The following PKHD1L1 variants were observed in gnomAD, a reference collection of about 807,000 sequenced individuals.
The protein encoded by PKHD1L1 is PKHD1 like 1, also known as fibrocystin-L.
In PKHD1L1, 434 loss-of-function variants were observed where a neutral mutation model predicts 462.9. That is an observed-to-expected ratio of 0.94 (90% CI 0.87 to 1.02). PKHD1L1 has a LOEUF of 1.02. Ranked by LOEUF, PKHD1L1 falls within the 50% of genes least tolerant of loss-of-function variation. The pLI, the probability that PKHD1L1 is intolerant of heterozygous loss-of-function variation, is 0.00. For missense variants in PKHD1L1, 5,202 were observed against 5,096.1 expected, an observed-to-expected ratio of 1.02 and a Z score of -0.63; for synonymous variants, 1,781 against 1,750.0, an observed-to-expected ratio of 1.02 and a Z score of -0.44.
chr8:109,487,243 A>G (rs969923816), intron 59 of PKHD1L1, among the ~76,000 whole-genome samples: 1 of 151,928 alleles, frequency 6.6e-6, no homozygotes, highest in African/African-American at 2.4e-5. Flanking sequence ...TGTTTCACCT[A>G]CACCTCCATC....
rs767434555 is a variant in PKHD1L1, at chr8:109,404,630, G to A, written c.1450G>A (p.Val484Ile). Residue 484 changes from valine (V) to isoleucine (I), a missense_variant, in exon 15 of 78, where the codon GTT (valine) becomes ATT (isoleucine). Around this residue, in one of 3 missense-constraint regions of PKHD1L1, gnomAD observed 4,497 missense variants for 4,336.8 expected, o/e 1.04. Coordinates refer to ENST00000378402, the MANE Select transcript of PKHD1L1 (RefSeq NM_177531.6). ...VDVGLYQYRN[V>I]YTEQQTGDAV... ...TGTTGGACTGTACCAGTATCGAAAT[G>A]TTTATACTGAACAACAAACAGGAGA... is the stretch of plus-strand genomic sequence containing the variant. 20 of 1,608,490 alleles carry A rather than the reference G, an allele frequency of 1.2e-5. No homozygotes were observed. Among genetic ancestry groups the A allele is most frequent in the East Asian group, 2.2e-5 (1 of 44,616 alleles).
At chr8:109,395,933 A>G (rs866473766) in intron 10 of PKHD1L1, 94 bp from the exon 11 acceptor site, 2 of 783,908 alleles carry the variant, frequency 2.6e-6, no homozygotes, top group Middle Eastern at 4.7e-4. Context: ...TGTGTTAGGC[A>G]CTATGGCTAG....
intron 53 of PKHD1L1, among the ~76,000 whole-genome samples, chr8:109,478,922 C>A (rs1467400969): frequency 6.6e-6 from 1 of 151,942 alleles, no homozygotes; most frequent in Non-Finnish European, 1.5e-5. Flanking sequence ...AGAATCTTGA[C>A]CCAGAAGTGC....
At chr8:109,468,637 C>G (rs1239431111) in intron 50 of PKHD1L1, among the ~76,000 whole-genome samples, 3 of 152,186 alleles carry the variant, frequency 2.0e-5, no homozygotes, top group Non-Finnish European at 4.4e-5. Context: ...CCCCATGACC[C>G]TACTGGTCTC....
rs1230020314 is a variant in PKHD1L1, at chr8:109,507,883, G to A, written c.11215G>A (p.Ala3739Thr). Residue 3739 changes from alanine (A) to threonine (T), a missense_variant, in exon 69 of 78, where the codon GCA (alanine) becomes ACA (threonine). By Grantham distance (58) the Ala-to-Thr change is moderately conservative (BLOSUM62 0). Coordinates refer to ENST00000378402, the MANE Select transcript of PKHD1L1 (RefSeq NM_177531.6). Reference protein sequence around the residue: ...NGSRIPVTEKAPHKGIIRDST... With the variant: ...NGSRIPVTEKTPHKGIIRDST... Reference sequence around the variant, plus strand: ...AAGTAGAATTCCTGTCACTGAGAAAGCACCTCATAAAGGTTTGTTGGATCT... The same window carrying A: ...AAGTAGAATTCCTGTCACTGAGAAAACACCTCATAAAGGTTTGTTGGATCT... 1.9e-6 allele frequency: 3 copies of A among 1,613,444 alleles called. No homozygotes were observed. The highest frequency in any genetic ancestry group is 2.5e-6 in the Non-Finnish European group (3 of 1,179,580).
chr8:109,527,842 G>T (rs1254764123), intron 77 of PKHD1L1, among the ~76,000 whole-genome samples: 1 of 152,150 alleles, frequency 6.6e-6, no homozygotes, highest in African/African-American at 2.4e-5. Context: ...AATACAGAAA[G>T]AGCTAACCTC....
intron 2 of PKHD1L1, among the ~76,000 whole-genome samples, chr8:109,371,000 T>A (rs993516661): frequency 1.3e-5 from 2 of 152,208 alleles, no homozygotes; most frequent in African/African-American, 4.8e-5. Flanking sequence ...GGAGCATGAT[T>A]TATAATCCTT....
At chr8:109,390,853 A>G (rs995145983) in intron 9 of PKHD1L1, among the ~76,000 whole-genome samples, 1 of 152,226 alleles carries the variant, frequency 6.6e-6, no homozygotes, top group African/African-American at 2.4e-5. Flanking sequence ...CTCATGGTTA[A>G]TATTACCTGA....
chr8:109,384,164 A>G lies in PKHD1L1; in HGVS notation c.475+37A>G, dbSNP rs540858066. Reference sequence around the variant, plus strand: ...GACATCTGAAATAACTTTTGGTTTCATGGTAAATAATGTGTTTATTTTTTA... The same window carrying G: ...GACATCTGAAATAACTTTTGGTTTCGTGGTAAATAATGTGTTTATTTTTTA... On this transcript the variant is annotated intron_variant, in intron 5 of 77. Transcript: ENST00000378402. The G allele has an allele frequency of 8.4e-5, 117 of 1,387,460 alleles. 2 individuals carry two copies. The South Asian group carries it at 1.3e-3, about 16-fold the overall frequency. 85.9% of individuals were successfully genotyped at this position (1,387,460 alleles called of 1,614,324 possible).
At chr8:109,482,234 C>T (rs1379678106) in intron 56 of PKHD1L1, among the ~76,000 whole-genome samples, 2 of 151,704 alleles carry the variant, frequency 1.3e-5, no homozygotes, top group African/African-American at 4.8e-5. Flanking sequence ...CTAAAACTGA[C>T]ACCAAGTAAA....
At chr8:109,457,386 G>A (rs1816883521) in intron 46 of PKHD1L1, among the ~76,000 whole-genome samples, 2 of 152,120 alleles carry the variant, frequency 1.3e-5, no homozygotes, top group African/African-American at 4.8e-5. Flanking sequence ...GTTACTAACA[G>A]CATAGAAAAT....
chr8:109,436,870 T>C (rs908364771), intron 30 of PKHD1L1, among the ~76,000 whole-genome samples: 1 of 152,196 alleles, frequency 6.6e-6, no homozygotes, highest in African/African-American at 2.4e-5. Context: ...ATGAGTAGTC[T>C]AAAGATTTCA....
chr8:109,515,113 G>A, intron 71 of PKHD1L1, 57 bp from the exon 72 acceptor site: 1 of 1,322,778 alleles, frequency 7.6e-7, no homozygotes, highest in Non-Finnish European at 1.0e-6. Context: ...CGGTTTAAGT[G>A]CTAAATTACA....
Position 109,486,751 on chromosome 8 carries a change from T to C in PKHD1L1, c.9810T>C (p.Gly3270=), listed in dbSNP as rs1282075683. 6.8e-6 allele frequency: 11 copies of C among 1,612,448 alleles called. No individual in the cohort carries two copies. The highest frequency in any genetic ancestry group is 1.7e-5 in the Admixed American group (1 of 59,888). Residue 3270 remains glycine, a synonymous_variant, in exon 59 of 78, where the codon GGT becomes GGC. Transcript: ENST00000378402. Reference sequence around the variant, plus strand: ...AAATAGTTGGTGAAGATTACCCCGGTTGGTCTGAGGACTCTTTTGGAGCAC... The same window carrying C: ...AAATAGTTGGTGAAGATTACCCCGGCTGGTCTGAGGACTCTTTTGGAGCAC... ...NIKIVGEDYP[G]WSEDSFGARV... is the part of the protein sequence containing the mutation.
Position 109,465,122 on chromosome 8 carries a change from A to G in PKHD1L1, c.8290A>G (p.Asn2764Asp). 6.2e-7 allele frequency: 1 copy of G among 1,613,806 alleles called. No homozygotes were observed. The highest frequency in any genetic ancestry group is 8.5e-7 in the Non-Finnish European group (1 of 1,179,780). ...AGTGACATCCATCTCTGGAGTTTGT[A>G]ATGACAGATGTGGGGGTTGGAGTGC... ...LGVTSISGVC[N>D]DRCGGWSAKF... Residue 2764 changes from asparagine (N) to aspartate (D), a missense_variant, in exon 49 of 78, where the codon AAT becomes GAT. Transcript: ENST00000378402.
intron 11 of PKHD1L1, among the ~76,000 whole-genome samples, chr8:109,396,438 C>T (rs536670113): frequency 3.3e-5 from 5 of 152,328 alleles, no homozygotes; most frequent in East Asian, 1.9e-4. Context: ...AAGGACACAC[C>T]TACCCTTAAT....
intron 60 of PKHD1L1, among the ~76,000 whole-genome samples, chr8:109,490,424 C>T (rs958571403): frequency 1.3e-5 from 2 of 151,692 alleles, no homozygotes; most frequent in African/African-American, 4.8e-5. Flanking sequence ...CTGATCTACA[C>T]CTCCATCAAA....
At chr8:109,516,554 T>C (rs912217349) in intron 72 of PKHD1L1, among the ~76,000 whole-genome samples, 2 of 152,024 alleles carry the variant, frequency 1.3e-5, no homozygotes, top group Non-Finnish European at 2.9e-5. Context: ...CATGTAAAAT[T>C]TGGGGACACA....
chr8:109,475,217 G>C lies in PKHD1L1; in HGVS notation c.8705G>C (p.Gly2902Ala). 1 of 1,612,002 alleles carries C rather than the reference G, an allele frequency of 6.2e-7. No individual in the cohort carries two copies. ...AATCACATTAACTGGTATTTTAAAG[G>C]TGTGGATCACATAACCAACATTTCA... is the stretch of plus-strand genomic sequence containing the variant. The part of the protein sequence containing the change: ...NANHINWYFK[G>A]VDHITNISYT... The change falls in exon 51 of 78, where the codon GGT becomes GCT. Residue 2902 changes from glycine (G) to alanine (A), a missense_variant. Gly to Ala is a moderately conservative substitution (Grantham distance 60). This residue lies in a region of PKHD1L1 where 4,497 missense variants were observed against 4,336.8 expected (regional missense o/e 1.04). Coordinates refer to ENST00000378402, the MANE Select transcript of PKHD1L1 (RefSeq NM_177531.6).
Sources: allele counts gnomAD v4.1 joint callset (sites outside exome capture counted in the v4.1 genomes callset), GRCh38; gene constraint gnomAD v4.1.1; regional missense constraint gnomAD v4.1.1; transcripts MANE v1.5; gene names NCBI Gene and HGNC (gene_info 2026-07-23, HGNC 2026-07-21).